The following AHCYL1 variants were observed in gnomAD, a reference collection of about 807,000 sequenced individuals.
AHCYL1 encodes the protein adenosylhomocysteinase like 1, also known as S-adenosylhomocysteine hydrolase-like protein 1.
AHCYL1 carries 20 observed loss-of-function variants against 79.3 expected under a neutral mutation model. That is an observed-to-expected ratio of 0.25 (90% CI 0.18 to 0.37). The LOEUF (loss-of-function observed/expected upper bound fraction) is 0.37, where lower values mean the gene tolerates loss of function less well. AHCYL1 is among the 10% of genes least tolerant of loss of function. The probability of loss-of-function intolerance (pLI) is 1.00; values close to 1 mark genes in which losing one functional copy is unlikely to be tolerated. For synonymous variants in AHCYL1, 223 were observed against 242.2 expected, an observed-to-expected ratio of 0.92 and a Z score of 0.74; for missense variants, 330 against 673.6, an observed-to-expected ratio of 0.49 and a Z score of 5.65.
In AHCYL1 at chr1:109,990,465, C is replaced by T. The variant is rs148278770; in HGVS notation, c.120+5293C>T. Among the ~76,000 whole-genome samples, 635 of 152,150 alleles carry T rather than the reference C, an allele frequency of 4.2e-3. 6 individuals are homozygous for T. The highest frequency in any genetic ancestry group is 0.014 in the African/African-American group (590 of 41,478). On this transcript the variant is annotated intron_variant, in intron 1 of 16. Transcript: ENST00000369799. ...CTGAAAGTTACCCTGGTTTATGTGG[C>T]CACCCTATTTATAACTCTCTGGATG...
At chr1:110,007,994 AT>A (rs1262809977) in intron 1 of AHCYL1, among the ~76,000 whole-genome samples, 1 of 140,450 alleles carries the variant, frequency 7.1e-6, no homozygotes, top group African/African-American at 2.7e-5. Context: ...GTTCTGGCTT[AT>A]TTCATTTAAG....
intron 1 of AHCYL1, among the ~76,000 whole-genome samples, chr1:109,994,125 A>C (rs1221842669): frequency 6.6e-6 from 1 of 152,222 alleles, no homozygotes; most frequent in African/African-American, 2.4e-5. Flanking sequence ...TCTTCTGGGA[A>C]CTGGGCCAAT....
At chr1:110,016,621 G>A in intron 8 of AHCYL1, 46 bp from the exon 9 acceptor site, 1 of 1,612,484 alleles carries the variant, frequency 6.2e-7, no homozygotes, top group South Asian at 1.1e-5. Flanking sequence ...GAGGGACTGA[G>A]TTTGAGCTAT....
rs750295811 is a variant in AHCYL1 at position 109,985,044 on chromosome 1, G to A, written c.-9G>A. On this transcript the variant is annotated 5_prime_UTR_variant, in exon 1 of 17. Transcript: ENST00000369799. ...CGGCGGGTCAGCCGCTGGCCGGGCC[G>A]GCCGGGGAATGTCGATGCCTGACGC... The A allele has an allele frequency of 1.5e-5, 23 of 1,564,884 alleles. No homozygotes were observed. In the East Asian group the frequency reaches 5.0e-4, roughly 34 times the overall value.
At chr1:110,019,741 G>T in intron 15 of AHCYL1, 115 bp downstream of exon 15, 2 of 1,027,542 alleles carry the variant, frequency 1.9e-6, no homozygotes, top group Non-Finnish European at 2.8e-6. Flanking sequence ...TGTGCTTACT[G>T]GTTGTTTGAC....
intron 1 of AHCYL1, among the ~76,000 whole-genome samples, chr1:110,001,823 TACAAAC>T (rs1650329447): frequency 1.3e-5 from 2 of 152,216 alleles, no homozygotes; most frequent in South Asian, 4.1e-4. Flanking sequence ...TTTAAGTTCT[TACAAAC>T]ACAAAGGAAT....
chr1:110,013,055 A>G, intron 5 of AHCYL1, 56 bp downstream of exon 5: 1 of 1,363,442 alleles, frequency 7.3e-7, no homozygotes, highest in Non-Finnish European at 1.0e-6. Context: ...CAAACATATA[A>G]CTTTTTTGTA....
intron 1 of AHCYL1, among the ~76,000 whole-genome samples, chr1:109,997,046 C>T (rs1304535179): frequency 1.3e-5 from 2 of 152,184 alleles, no homozygotes; most frequent in Non-Finnish European, 1.5e-5. Context: ...AAGGATATCA[C>T]TAGAAAAAGA....
Position 110,019,575 on chromosome 1 carries a change from G to A in AHCYL1, c.1414G>A (p.Ala472Thr). Residue 472 changes from alanine (A) to threonine (T), a missense_variant, in exon 15 of 17, where the codon GCA (alanine) becomes ACA (threonine). Coordinates refer to ENST00000369799, the MANE Select transcript of AHCYL1 (RefSeq NM_006621.7). ...QALALIELYNAPEGRYKQDVY... is the reference protein window; with the variant it reads ...QALALIELYNTPEGRYKQDVY... ...TTTGGCACTGATAGAACTCTATAAT[G>A]CACCCGAGGGGCGATACAAGCAGGA... 1 of 1,612,912 alleles carries A rather than the reference G, an allele frequency of 6.2e-7. No individual in the cohort carries two copies. The highest frequency in any genetic ancestry group is 8.5e-7 in the Non-Finnish European group (1 of 1,179,708).
chr1:110,000,701 A>C (rs546845429), intron 1 of AHCYL1, among the ~76,000 whole-genome samples: 63 of 152,200 alleles, frequency 4.1e-4, no homozygotes, highest in African/African-American at 1.5e-3. Context: ...CTATTCCAAA[A>C]GAAGGAAAAT....
At chr1:109,990,348 A>G (rs12075746) in intron 1 of AHCYL1, among the ~76,000 whole-genome samples, 4,529 of 152,144 alleles carry the variant, frequency 0.03, 235 homozygotes, top group African/African-American at 0.1. Context: ...GTTTTTTTGT[A>G]CCTAGAGTGA....
Position 110,021,696 on chromosome 1 carries a change from A to C in AHCYL1, c.*16A>C. Reference sequence around the variant, plus strand: ...CAGATACTAATGGACCATACTACCAAGGACCAGTCCACCTGAACCACACAC... The same window carrying C: ...CAGATACTAATGGACCATACTACCACGGACCAGTCCACCTGAACCACACAC... On this transcript the variant is annotated 3_prime_UTR_variant, in exon 17 of 17. Transcript: ENST00000369799. The C allele has an allele frequency of 1.2e-6, 2 of 1,610,914 alleles. No individual in the cohort carries two copies. The highest frequency in any genetic ancestry group is 1.7e-6 in the Non-Finnish European group (2 of 1,177,582).
chr1:109,988,811 G>T (rs1649600528), intron 1 of AHCYL1, among the ~76,000 whole-genome samples: 1 of 152,216 alleles, frequency 6.6e-6, no homozygotes, highest in Non-Finnish European at 1.5e-5. Flanking sequence ...ATGAAGCTAT[G>T]TGCCACTAAT....
intron 1 of AHCYL1, among the ~76,000 whole-genome samples, chr1:110,002,584 T>C (rs1336182217): frequency 6.6e-6 from 1 of 152,234 alleles, no homozygotes; most frequent in Non-Finnish European, 1.5e-5. Context: ...TTCTATAACC[T>C]TCCCAATATA....
chr1:109,994,699 T>C (rs1036645032), intron 1 of AHCYL1, among the ~76,000 whole-genome samples: 5 of 152,228 alleles, frequency 3.3e-5, no homozygotes, highest in South Asian at 2.1e-4. Context: ...GTATCCCACT[T>C]ATTATTCAAT....
rs550747242 is a variant in AHCYL1 at position 110,017,430 on chromosome 1, C to T, written c.964-65C>T. The T allele has an allele frequency of 7.4e-6, 11 of 1,492,632 alleles. No individual in the cohort carries two copies. In the Middle Eastern group the frequency reaches 6.9e-4, roughly 93 times the overall value. 92.5% of individuals were successfully genotyped at this position (1,492,632 alleles called of 1,614,324 possible). A position where few individuals can be genotyped will look rare whatever the true frequency, so the allele number is the denominator to read the frequency against. Reference sequence around the variant, plus strand: ...AGGTTAATTCCTGTCTCACAAATAACCTACCTACCCTAAATATCCATGACT... The same window carrying T: ...AGGTTAATTCCTGTCTCACAAATAATCTACCTACCCTAAATATCCATGACT... On this transcript the variant is annotated intron_variant, in intron 9 of 16. Coordinates refer to ENST00000369799, the MANE Select transcript of AHCYL1 (RefSeq NM_006621.7).
intron 14 of AHCYL1, 48 bp downstream of exon 14, chr1:110,019,167 G>GATCTAC: frequency 6.4e-7 from 1 of 1,559,830 alleles, no homozygotes; most frequent in Non-Finnish European, 8.8e-7. Context: ...TTGTGGAACT[G>GATCTAC]GGCGTAGATC....
chr1:110,021,038 A>G (rs547973828), intron 16 of AHCYL1, among the ~76,000 whole-genome samples, 187 bp downstream of exon 16: 1 of 152,340 alleles, frequency 6.6e-6, no homozygotes, highest in Non-Finnish European at 1.5e-5. Context: ...CGGATGGATC[A>G]CTTGAGGTCA....
chr1:110,006,413 A>AAG (rs1237611075), intron 1 of AHCYL1, among the ~76,000 whole-genome samples: 1 of 152,238 alleles, frequency 6.6e-6, no homozygotes, highest in Non-Finnish European at 1.5e-5. Flanking sequence ...TGTTTGGAAG[A>AAG]AATTATGATG....
Sources: allele counts gnomAD v4.1 joint callset (sites outside exome capture counted in the v4.1 genomes callset), GRCh38; gene constraint gnomAD v4.1.1; transcripts MANE v1.5; gene names NCBI Gene and HGNC (gene_info 2026-07-23, HGNC 2026-07-21).